Variants in KDM5A observed in about 807,000 individuals in gnomAD.
KDM5A encodes the protein lysine demethylase 5A, also known as lysine-specific demethylase 5A.
A neutral mutation model predicts 193.5 loss-of-function variants in KDM5A; 42 were observed. The observed-to-expected ratio is 0.22, with a 90% CI of 0.17 to 0.28. The LOEUF (loss-of-function observed/expected upper bound fraction) is 0.28, where lower values mean the gene tolerates loss of function less well. Among genes scored for constraint, KDM5A ranks in the 10% least tolerant of loss-of-function variants. The pLI is 1.00. For missense variants in KDM5A, 1,692 were observed against 2,055.1 expected (o/e 0.82, Z 3.42); for synonymous variants, 796 against 718.1 (o/e 1.11, Z -1.73).
At chr12:346,518 AAT>A (rs1565541036) in intron 10 of KDM5A, among the ~76,000 whole-genome samples, 1 of 152,200 alleles carries the variant, frequency 6.6e-6, no homozygotes, top group Non-Finnish European at 1.5e-5. Flanking sequence ...TCCCCAATAA[AAT>A]ATTGGCAAAC....
At chr12:325,501 A>G (rs1248234930) in intron 14 of KDM5A, among the ~76,000 whole-genome samples, 1 of 138,862 alleles carries the variant, frequency 7.2e-6, no homozygotes, top group Non-Finnish European at 1.6e-5. Flanking sequence ...TGATGGTGAA[A>G]CTTTGTCATT....
intron 3 of KDM5A, among the ~76,000 whole-genome samples, chr12:380,848 T>G (rs917693150): frequency 2.6e-5 from 4 of 151,876 alleles, no homozygotes; most frequent in Non-Finnish European, 5.9e-5. Context: ...CAGGCTGGAG[T>G]GCAGTGGTAC....
At chr12:374,712 CAG>C (rs1944479045) in intron 3 of KDM5A, among the ~76,000 whole-genome samples, 1 of 152,072 alleles carries the variant, frequency 6.6e-6, no homozygotes, top group African/African-American at 2.4e-5. Context: ...TGGCTGGTAC[CAG>C]TTGTTCCTTT....
At chr12:291,484 C>A (rs886556620) in intron 27 of KDM5A, among the ~76,000 whole-genome samples, 5 of 152,166 alleles carry the variant, frequency 3.3e-5, no homozygotes, top group Non-Finnish European at 5.9e-5. Context: ...ACTTTGGTCA[C>A]ATAATTACCT....
intron 10 of KDM5A, among the ~76,000 whole-genome samples, chr12:349,609 T>C (rs893631278): frequency 9.2e-5 from 14 of 151,912 alleles, no homozygotes; most frequent in Non-Finnish European, 1.3e-4. Flanking sequence ...ATTACAGGCG[T>C]GAGCCACCAC....
chr12:295,537 T>G, intron 26 of KDM5A, 36 bp downstream of exon 26: 1 of 1,586,482 alleles, frequency 6.3e-7, no homozygotes, highest in Non-Finnish European at 8.7e-7. Context: ...GCATTCTAGT[T>G]TTTAACCACT....
At chr12:352,376 G>A in intron 8 of KDM5A, 52 bp from the exon 9 acceptor site, 1 of 1,518,822 alleles carries the variant, frequency 6.6e-7, no homozygotes, top group Non-Finnish European at 9.1e-7. Flanking sequence ...ACTGAAGAAA[G>A]CTTTAAGGCT....
intron 8 of KDM5A, among the ~76,000 whole-genome samples, chr12:353,112 A>G (rs541515442): frequency 1.3e-5 from 2 of 152,166 alleles, no homozygotes; most frequent in Non-Finnish European, 2.9e-5. Context: ...TGGAAGGTCA[A>G]GGCAGGTGGA....
intron 27 of KDM5A, among the ~76,000 whole-genome samples, chr12:289,907 CTTTTTT>C (rs750918968): frequency 9.0e-5 from 9 of 99,658 alleles, no homozygotes; most frequent in Admixed American, 2.3e-4. Context: ...TTCTTTCTTT[CTTTTTT>C]TTTTTTTTTT....
At chr12:319,691 T>G (rs1943692532) in intron 18 of KDM5A, among the ~76,000 whole-genome samples, 1 of 151,956 alleles carries the variant, frequency 6.6e-6, no homozygotes, top group Admixed American at 6.6e-5. Flanking sequence ...GAAGCAGAAG[T>G]TACAGTGAGC....
intron 10 of KDM5A, among the ~76,000 whole-genome samples, chr12:339,195 A>T (rs1180032029): frequency 1.3e-5 from 2 of 149,082 alleles, no homozygotes; most frequent in East Asian, 3.9e-4. Flanking sequence ...AAAAAAAAAA[A>T]GATACCAGAG....
At chr12:352,161 A>G in intron 9 of KDM5A, 44 bp downstream of exon 9, 2 of 1,492,064 alleles carry the variant, frequency 1.3e-6, no homozygotes, top group Non-Finnish European at 1.9e-6. Flanking sequence ...ACTCAGGTAA[A>G]TCTTTGTACC....
chr12:345,831 A>AC (rs1944066071), intron 10 of KDM5A, among the ~76,000 whole-genome samples: 2 of 152,342 alleles, frequency 1.3e-5, no homozygotes, highest in South Asian at 4.1e-4. Flanking sequence ...TCTAAAATGG[A>AC]CATCCTAACA....
rs1227887527 is a variant in KDM5A, at chr12:358,955, A to G, written c.673-2418T>C. Reference sequence around the variant, plus strand: ...CACTGCACTCCAGCCTGGGCGACAGAGCAAGACTCCATCTCAAAAAAATAA... The same window carrying G: ...CACTGCACTCCAGCCTGGGCGACAGGGCAAGACTCCATCTCAAAAAAATAA... On this transcript the variant is annotated intron_variant, in intron 5 of 27. Transcript: ENST00000399788. Among the ~76,000 whole-genome samples the G allele has an allele frequency of 2.6e-5, 4 of 151,768 alleles. No homozygotes were observed. In the East Asian group the frequency reaches 7.7e-4, roughly 29 times the overall value.
At chr12:321,556 A>G (rs2137408310) in intron 17 of KDM5A, among the ~76,000 whole-genome samples, 1 of 152,332 alleles carries the variant, frequency 6.6e-6, no homozygotes, top group Non-Finnish European at 1.5e-5. Flanking sequence ...ACCCAATGAC[A>G]AGTTAAGAGC....
chr12:290,731 C>A, intron 27 of KDM5A, among the ~76,000 whole-genome samples: 1 of 151,486 alleles, frequency 6.6e-6, no homozygotes, highest in African/African-American at 2.4e-5. Context: ...AAAAAAACGG[C>A]CTAAGTGTTT....
intron 3 of KDM5A, among the ~76,000 whole-genome samples, chr12:380,637 C>T (rs369045939): frequency 2.6e-5 from 4 of 151,784 alleles, no homozygotes; most frequent in African/African-American, 9.7e-5. Context: ...GCATGAGAAT[C>T]GGTTGAACCT....
chr12:308,089 C>T (rs1943535454), intron 22 of KDM5A, 84 bp from the exon 23 acceptor site: 5 of 1,437,144 alleles, frequency 3.5e-6, no homozygotes, highest in Non-Finnish European at 4.9e-6. Flanking sequence ...TGGGATCTTT[C>T]TCCCAAGTTA....
At chr12:369,028 T>C (rs1194718932) in intron 3 of KDM5A, among the ~76,000 whole-genome samples, 3 of 152,214 alleles carry the variant, frequency 2.0e-5, no homozygotes, top group South Asian at 2.1e-4. Flanking sequence ...TAAACAAAGA[T>C]GAACCTATGG....
Sources: gnomAD v4.1 joint callset for allele counts (sites outside exome capture counted in the v4.1 genomes callset) on GRCh38, gnomAD v4.1.1 for gene constraint, MANE v1.5 for transcripts, NCBI Gene and HGNC (gene_info 2026-07-23, HGNC 2026-07-21) for gene names.